Variants in CCDC138 observed in about 807,000 individuals in gnomAD.
CCDC138 encodes coiled-coil domain-containing protein 138.
Under a neutral mutation model 82.3 loss-of-function variants are expected in CCDC138, and 66 were observed. The observed-to-expected ratio is 0.80, with a 90% CI of 0.66 to 0.98. CCDC138 has a LOEUF of 0.98. CCDC138 is among the 50% of genes least tolerant of loss of function. CCDC138 has a pLI of 0.00. For missense variants in CCDC138, 816 were observed against 758.9 expected, an observed-to-expected ratio of 1.08 and a Z score of -0.88; for synonymous variants, 297 against 265.4, an observed-to-expected ratio of 1.12 and a Z score of -1.16.
chr2:108,814,100 T>G (rs1331699659), intron 9 of CCDC138, among the ~76,000 whole-genome samples: 3 of 152,228 alleles, frequency 2.0e-5, no homozygotes, highest in Non-Finnish European at 1.5e-5. Context: ...CTTTTGGATA[T>G]ATACCAGGAC....
intron 4 of CCDC138, among the ~76,000 whole-genome samples, chr2:108,793,728 C>T (rs1163883669): frequency 6.6e-6 from 1 of 151,868 alleles, no homozygotes; most frequent in East Asian, 2.0e-4. Flanking sequence ...TCCCGAGTAG[C>T]TGGGACTACA....
intron 13 of CCDC138, among the ~76,000 whole-genome samples, chr2:108,866,789 A>G (rs1037154456): frequency 3.9e-5 from 6 of 152,096 alleles, no homozygotes; most frequent in African/African-American, 1.2e-4. Context: ...AGACTGAGGC[A>G]GGAGAATTGC....
chr2:108,826,076 T>G (rs528961030), intron 10 of CCDC138, among the ~76,000 whole-genome samples: 20 of 152,314 alleles, frequency 1.3e-4, no homozygotes, highest in African/African-American at 4.8e-4. Context: ...TCTACTTAAA[T>G]CCATTGAGCA....
chr2:108,786,889 G>A lies in CCDC138; in HGVS notation c.67G>A (p.Gly23Arg), dbSNP rs746664626. 8.3e-6 allele frequency: 13 copies of A among 1,561,992 alleles called. No individual in the cohort carries two copies. Among genetic ancestry groups the A allele is most frequent in the African/African-American group, 1.4e-5 (1 of 71,148 alleles). Residue 23 changes from glycine to arginine, a missense_variant, in exon 1 of 15, where the codon GGA becomes AGA. Coordinates refer to ENST00000295124, the MANE Select transcript of CCDC138 (RefSeq NM_144978.3). ...LVVESLKSRY[G>R]LGGSCPDEYD... ...AGTGGAGAGTCTCAAAAGCCGCTAC[G>A]GACTCGGGGGCAGCTGCCCCGACGA...
rs1423412002 is a variant in CCDC138 at position 108,856,905 on chromosome 2, G to A, written c.1628G>A (p.Arg543Lys). Residue 543 changes from arginine (R) to lysine (K), a missense_variant, in exon 13 of 15, where the codon AGA (arginine) becomes AAA (lysine). Coordinates refer to ENST00000295124, the MANE Select transcript of CCDC138 (RefSeq NM_144978.3). Reference protein sequence around the residue: ...QAVPVILSHLRISSKGLLSNV... With the variant: ...QAVPVILSHLKISSKGLLSNV... ...GTTCCAGTAATATTAAGTCATCTAA[G>A]AATATCCAGTAAAGGACTCCTGTCT... The A allele has an allele frequency of 6.2e-7, 1 of 1,613,066 alleles. No individual in the cohort carries two copies. Among genetic ancestry groups the A allele is most frequent in the Non-Finnish European group, 8.5e-7 (1 of 1,179,574 alleles).
At chr2:108,794,173 T>C (rs1680451874) in intron 4 of CCDC138, among the ~76,000 whole-genome samples, 1 of 152,230 alleles carries the variant, frequency 6.6e-6, no homozygotes, top group Admixed American at 6.5e-5. Context: ...AAGCAGCATG[T>C]AACACTTACT....
downstream of CCDC138, among the ~76,000 whole-genome samples, chr2:108,879,032 G>A (rs1393951483): frequency 1.5e-5 from 1 of 65,402 alleles, no homozygotes; most frequent in East Asian, 2.1e-3. Flanking sequence ...TTATGGTCAT[G>A]TTCTAAATAA....
intron 1 of CCDC138, 129 bp from the exon 2 acceptor site, chr2:108,787,903 G>A (rs906519760): frequency 6.4e-6 from 5 of 778,448 alleles, no homozygotes; most frequent in Non-Finnish European, 9.9e-6. Context: ...TTGATCACTT[G>A]GTTAAGATGG....
At chr2:108,832,786 C>T (rs890424808) in intron 10 of CCDC138, among the ~76,000 whole-genome samples, 1 of 152,126 alleles carries the variant, frequency 6.6e-6, no homozygotes, top group Admixed American at 6.5e-5. Flanking sequence ...GGAGGAGACA[C>T]GAGCTGCCTT....
Position 108,812,865 on chromosome 2 carries a change from C to T in CCDC138, c.979C>T (p.His327Tyr). Residue 327 changes from histidine to tyrosine, a missense_variant, in exon 9 of 15, where the codon CAT becomes TAT. Coordinates refer to ENST00000295124, the MANE Select transcript of CCDC138 (RefSeq NM_144978.3). Reference sequence around the variant, plus strand: ...AATACAGAGATTGAAAGGAAGTTCCCATGCTGTTCATGAAATGAAAAGTTT... The same window carrying T: ...AATACAGAGATTGAAAGGAAGTTCCTATGCTGTTCATGAAATGAAAAGTTT... ...MTIQRLKGSS[H>Y]AVHEMKSLKQ... is the part of the protein sequence containing the mutation. 6.2e-7 allele frequency: 1 copy of T among 1,613,458 alleles called. No homozygotes were observed. Among genetic ancestry groups the T allele is most frequent in the Non-Finnish European group, 8.5e-7 (1 of 1,179,590 alleles).
intron 6 of CCDC138, among the ~76,000 whole-genome samples, chr2:108,798,826 C>T (rs1418144023): frequency 6.9e-6 from 1 of 145,368 alleles, no homozygotes; most frequent in African/African-American, 2.7e-5. Flanking sequence ...TACACACACA[C>T]ACACACACAC....
At chr2:108,800,453 C>T (rs752447897) in intron 6 of CCDC138, among the ~76,000 whole-genome samples, 78 of 151,806 alleles carry the variant, frequency 5.1e-4, no homozygotes, top group Non-Finnish European at 7.1e-4. Flanking sequence ...TTAGTAGGGA[C>T]GGGGTTTCAC....
Position 108,821,683 on chromosome 2 carries a change from G to C in CCDC138, c.1206+5578G>C, listed in dbSNP as rs201691219. Among the ~76,000 whole-genome samples the C allele has an allele frequency of 7.2e-5, 11 of 152,110 alleles. No individual in the cohort carries two copies. The East Asian group carries it at 2.1e-3, about 30-fold the overall frequency. ...TTCCTGGCCGAGTGTGGTGCCTCAT[G>C]CCTCCAATCCCAGTACTTTGGGAGG... On this transcript the variant is annotated intron_variant, in intron 10 of 14. Transcript: ENST00000295124.
chr2:108,849,590 C>T (rs181777005), intron 12 of CCDC138, among the ~76,000 whole-genome samples: 234 of 152,242 alleles, frequency 1.5e-3, no homozygotes, highest in African/African-American at 3.6e-3. Context: ...TTGTTGTGAA[C>T]GATTCTTTCT....
chr2:108,859,915 T>TC (rs1347247542), intron 13 of CCDC138, among the ~76,000 whole-genome samples: 1 of 152,192 alleles, frequency 6.6e-6, no homozygotes, highest in Non-Finnish European at 1.5e-5. Flanking sequence ...TAAATGATCT[T>TC]AATTCTTCCA....
intron 11 of CCDC138, among the ~76,000 whole-genome samples, chr2:108,840,678 C>T (rs1387382271): frequency 3.3e-5 from 5 of 152,114 alleles, no homozygotes; most frequent in Admixed American, 1.3e-4. Context: ...TTATTTCCTT[C>T]TTGATATGGA....
intron 1 of CCDC138, chr2:108,882,390 C>G (rs1017410331): frequency 7.9e-5 from 12 of 152,106 alleles, no homozygotes; most frequent in African/African-American, 2.9e-4. Context: ...ATTAGGTATG[C>G]CTGTATGGAA....
intron 11 of CCDC138, among the ~76,000 whole-genome samples, chr2:108,839,946 C>G (rs1689186865): frequency 6.6e-6 from 1 of 151,802 alleles, no homozygotes; most frequent in South Asian, 2.1e-4. Context: ...CCTTGTTTCT[C>G]CTCTTAGGAG....
chr2:108,788,477 G>C (rs1398741989), intron 2 of CCDC138, among the ~76,000 whole-genome samples: 2 of 151,832 alleles, frequency 1.3e-5, no homozygotes, highest in Non-Finnish European at 2.9e-5. Context: ...CCAGCACTTT[G>C]GGAGGCGAGG....
Sources: gnomAD v4.1 joint callset for allele counts (sites outside exome capture counted in the v4.1 genomes callset) on GRCh38, gnomAD v4.1.1 for gene constraint, MANE v1.5 for transcripts, NCBI Gene and HGNC (gene_info 2026-07-23, HGNC 2026-07-21) for gene names.